The following ODAD2 variants were observed in gnomAD, a reference collection of about 807,000 sequenced individuals.
ODAD2 encodes outer dynein arm docking complex subunit 2.
ODAD2 carries 89 observed loss-of-function variants against 106.8 expected under a neutral mutation model. The ratio of observed to expected loss-of-function variants is 0.83; its 90% CI spans 0.70 to 0.99. The LOEUF (loss-of-function observed/expected upper bound fraction) is 0.99. Among genes scored for constraint, ODAD2 ranks in the 50% least tolerant of loss-of-function variants. The pLI is 0.00. For missense variants in ODAD2, 1,168 were observed against 1,238.5 expected (o/e 0.94, Z 0.85); for synonymous variants, 404 against 436.2 (o/e 0.93, Z 0.92).
chr10:27,986,399 G>A (rs755087063), intron 3 of ODAD2, among the ~76,000 whole-genome samples: 1 of 152,168 alleles, frequency 6.6e-6, no homozygotes, highest in Non-Finnish European at 1.5e-5. Context: ...TAAGTATTCA[G>A]CTATATAGAA....
intron 3 of ODAD2, among the ~76,000 whole-genome samples, chr10:27,986,526 G>A (rs775462815): frequency 2.0e-5 from 3 of 152,102 alleles, no homozygotes; most frequent in Non-Finnish European, 4.4e-5. Flanking sequence ...CTAATAAGGA[G>A]TAATAGGCAA....
intron 17 of ODAD2, among the ~76,000 whole-genome samples, chr10:27,867,270 C>G (rs939112695): frequency 2.6e-5 from 4 of 152,134 alleles, no homozygotes; most frequent in African/African-American, 9.7e-5. Context: ...AGTTCCAGAA[C>G]AGCAGCAGAA....
At chr10:27,906,851 C>CA (rs1264479438) in intron 17 of ODAD2, among the ~76,000 whole-genome samples, 1 of 151,948 alleles carries the variant, frequency 6.6e-6, no homozygotes, top group East Asian at 1.9e-4. Flanking sequence ...CATCACACAT[C>CA]GGGGCCTGTC....
At chr10:27,870,925 G>A (rs528086824) in intron 17 of ODAD2, among the ~76,000 whole-genome samples, 3 of 152,268 alleles carry the variant, frequency 2.0e-5, no homozygotes, top group East Asian at 1.9e-4. Flanking sequence ...TTGAGGAATC[G>A]CCACACTGTC....
intron 18 of ODAD2, among the ~76,000 whole-genome samples, chr10:27,861,508 G>T (rs76429354): frequency 0.027 from 4,143 of 152,248 alleles, 68 homozygotes; most frequent in Non-Finnish European, 0.043. Flanking sequence ...TAGAATATTA[G>T]ATATCCTTAA....
chr10:27,956,956 T>C (rs1847779005), intron 10 of ODAD2: 1 of 152,188 alleles, frequency 6.6e-6, no homozygotes, highest in Non-Finnish European at 1.5e-5. Flanking sequence ...CTTCTCCTGT[T>C]TCACAAAAGG....
intron 19 of ODAD2, among the ~76,000 whole-genome samples, chr10:27,846,085 C>T (rs1182792064): frequency 6.6e-5 from 10 of 152,088 alleles, no homozygotes; most frequent in East Asian, 5.8e-4. Context: ...AATAGACATC[C>T]ACAGAACTCT....
At chr10:27,977,401 A>T (rs1389131333) in intron 7 of ODAD2, among the ~76,000 whole-genome samples, 1 of 53,396 alleles carries the variant, frequency 1.9e-5, no homozygotes, top group Admixed American at 2.0e-4. Flanking sequence ...CATTTCTGCT[A>T]AAAAAAAAAA....
chr10:27,970,623 C>T (rs913760919), intron 8 of ODAD2, among the ~76,000 whole-genome samples: 4 of 152,116 alleles, frequency 2.6e-5, no homozygotes, highest in Admixed American at 6.6e-5. Context: ...AATCAACCTG[C>T]GCCTTGGAGG....
At chr10:27,929,778 A>G (rs1845487630) in intron 16 of ODAD2, among the ~76,000 whole-genome samples, 1 of 152,138 alleles carries the variant, frequency 6.6e-6, no homozygotes, top group South Asian at 2.1e-4. Flanking sequence ...AGATGCAGAG[A>G]AGTTTACAGC....
At chr10:27,833,499 A>G (rs111964038) in intron 19 of ODAD2, among the ~76,000 whole-genome samples, 8 of 152,284 alleles carry the variant, frequency 5.3e-5, no homozygotes, top group African/African-American at 1.7e-4. Context: ...AAAATAAACA[A>G]TTTAAACTCT....
chr10:27,910,700 T>C (rs1422349274), intron 16 of ODAD2, among the ~76,000 whole-genome samples: 1 of 152,096 alleles, frequency 6.6e-6, no homozygotes, highest in East Asian at 1.9e-4. Context: ...GAAGTTGCAG[T>C]GAGCCCAGAT....
rs145018586 is a variant in ODAD2 at position 27,835,519 on chromosome 10, G to A, written c.3022-22894C>T. 1.6e-3 allele frequency among the ~76,000 whole-genome samples: 248 copies of A among 152,166 alleles called. 1 individual carries two copies. The highest frequency in any genetic ancestry group is 5.2e-3 in the African/African-American group (215 of 41,502). ...TGAAAAATGTGAGTTAGGGCACCAC[G>A]CCCTCATACAGTCAAAAACCCACAT... On this transcript the variant is annotated intron_variant, in intron 19 of 19. Coordinates refer to ENST00000305242, the MANE Select transcript of ODAD2 (RefSeq NM_018076.5).
In ODAD2 at chr10:27,958,726, T is replaced by C; in HGVS notation, c.1386+2842A>G. 5 of 657,520 alleles carry C rather than the reference T, an allele frequency of 7.6e-6. No individual in the cohort carries two copies. In the South Asian group the frequency reaches 8.2e-5, roughly 11 times the overall value. The allele number at this position is 657,520 out of a possible 1,614,324, so 40.7% of individuals were successfully genotyped here. ...ACTAACTACTTTGTGCTAAGCACTT[T>C]ACATGTGTTGTATTTCATTTAATAT... On this transcript the variant is annotated intron_variant, in intron 10 of 19. Transcript: ENST00000305242.
chr10:27,815,720 CA>C (rs1836079653), intron 19 of ODAD2, among the ~76,000 whole-genome samples: 1 of 152,152 alleles, frequency 6.6e-6, no homozygotes, highest in Non-Finnish European at 1.5e-5. Context: ...TAGAGTTCAT[CA>C]GAACAAATTC....
chr10:27,901,711 A>G (rs1313559958), intron 17 of ODAD2, among the ~76,000 whole-genome samples: 1 of 152,208 alleles, frequency 6.6e-6, no homozygotes, highest in Non-Finnish European at 1.5e-5. Context: ...AAAAAAGACA[A>G]AAAAGGGCAT....
chr10:27,893,970 C>T (rs1842715807), intron 17 of ODAD2, among the ~76,000 whole-genome samples: 1 of 151,938 alleles, frequency 6.6e-6, no homozygotes, highest in African/African-American at 2.4e-5. Context: ...GGCAACAGAG[C>T]AAGACCCTAT....
intron 16 of ODAD2, among the ~76,000 whole-genome samples, chr10:27,933,888 C>T (rs1230074625): frequency 6.6e-6 from 1 of 152,126 alleles, no homozygotes; most frequent in Non-Finnish European, 1.5e-5. Context: ...GGTGTTAGTA[C>T]TTGTGTATAA....
chr10:27,904,866 T>C (rs1843471517), intron 17 of ODAD2: 1 of 152,250 alleles, frequency 6.6e-6, no homozygotes, highest in South Asian at 2.1e-4. Context: ...TGAGCTGTGA[T>C]AGCCAAAAAC....
Sources: allele counts gnomAD v4.1 joint callset (sites outside exome capture counted in the v4.1 genomes callset), GRCh38; gene constraint gnomAD v4.1.1; transcripts MANE v1.5; gene names NCBI Gene and HGNC (gene_info 2026-07-23, HGNC 2026-07-21).